The following SPSB4 variants were observed in gnomAD, a reference collection of about 807,000 sequenced individuals.
SPSB4 encodes the protein splA/ryanodine receptor domain and SOCS box containing 4.
In SPSB4, 21 loss-of-function variants were observed where a neutral mutation model predicts 20.9. The observed-to-expected ratio is 1.01, with a 90% CI of 0.71 to 1.45. The LOEUF (loss-of-function observed/expected upper bound fraction) is 1.45, where lower values mean the gene tolerates loss of function less well. SPSB4 is among the 40% of genes most tolerant of loss of function. The probability of loss-of-function intolerance (pLI) is 0.00; values close to 1 mark genes in which losing one functional copy is unlikely to be tolerated. For missense variants in SPSB4, 399 were observed against 399.2 expected (o/e 1.00, Z 0.00); for synonymous variants, 207 against 183.8 (o/e 1.13, Z -1.02).
At chr3:141,052,845 C>T (rs1467489621) in intron 1 of SPSB4, among the ~76,000 whole-genome samples, 1 of 152,208 alleles carries the variant, frequency 6.6e-6, no homozygotes, top group Non-Finnish European at 1.5e-5. Context: ...TCGCTCTGTA[C>T]GCGCCAGGGG....
At chr3:141,131,616 A>C (rs989129534) in intron 2 of SPSB4, among the ~76,000 whole-genome samples, 32 of 152,230 alleles carry the variant, frequency 2.1e-4, no homozygotes, top group Admixed American at 2.0e-3. Flanking sequence ...TTTCTCACTC[A>C]AAGTTATGTC....
intron 1 of SPSB4, among the ~76,000 whole-genome samples, chr3:141,052,578 C>T (rs1287547221): frequency 6.6e-6 from 1 of 152,066 alleles, no homozygotes; most frequent in African/African-American, 2.4e-5. Flanking sequence ...CCGGGGTATT[C>T]GGAGAGGTGG....
chr3:141,054,212 C>T (rs1443636008), intron 1 of SPSB4, among the ~76,000 whole-genome samples: 1 of 152,176 alleles, frequency 6.6e-6, no homozygotes, highest in Non-Finnish European at 1.5e-5. Flanking sequence ...CCTGTTGTCA[C>T]ACATCCATGC....
intron 2 of SPSB4, among the ~76,000 whole-genome samples, chr3:141,092,532 A>G (rs546321382): frequency 1.3e-5 from 2 of 152,334 alleles, no homozygotes; most frequent in South Asian, 4.1e-4. Flanking sequence ...GTGGGCCTTG[A>G]GGCTGGGATG....
intron 2 of SPSB4, among the ~76,000 whole-genome samples, chr3:141,124,513 A>G (rs1025255181): frequency 6.6e-6 from 1 of 152,216 alleles, no homozygotes; most frequent in Non-Finnish European, 1.5e-5. Context: ...GGCTCACAGC[A>G]GCAGGTGTGA....
intron 2 of SPSB4, among the ~76,000 whole-genome samples, chr3:141,138,842 C>G (rs1939273817): frequency 6.6e-6 from 1 of 152,090 alleles, no homozygotes; most frequent in Non-Finnish European, 1.5e-5. Context: ...CTGTAGATGT[C>G]TATTAGGTCC....
chr3:141,099,185 CT>C (rs368249255), intron 2 of SPSB4, among the ~76,000 whole-genome samples: 7,970 of 139,234 alleles, frequency 0.057, 547 homozygotes, highest in African/African-American at 0.18. Flanking sequence ...GATAATATGA[CT>C]TTTTTTTTTT....
intron 2 of SPSB4, among the ~76,000 whole-genome samples, chr3:141,112,644 C>CAAAAAAAAAAA (rs60396514): frequency 1.1e-3 from 36 of 32,868 alleles, no homozygotes; most frequent in African/African-American, 2.3e-3. Flanking sequence ...GACTCCGTCT[C>CAAAAAAAAAAA]AAAAAAAAAA....
chr3:141,135,700 C>A (rs1939216158), intron 2 of SPSB4, among the ~76,000 whole-genome samples: 1 of 152,112 alleles, frequency 6.6e-6, no homozygotes, highest in East Asian at 1.9e-4. Context: ...GCATAGTATT[C>A]CATGGTGTAT....
At chr3:141,073,263 T>C (rs6777560) in intron 2 of SPSB4, among the ~76,000 whole-genome samples, 18,874 of 152,226 alleles carry the variant, frequency 0.12, 3,672 homozygotes, top group African/African-American at 0.42. Context: ...TAGGTTAATA[T>C]TGATATGCGT....
chr3:141,091,850 G>A (rs147280119), intron 2 of SPSB4, among the ~76,000 whole-genome samples: 418 of 152,344 alleles, frequency 2.7e-3, no homozygotes, highest in African/African-American at 9.5e-3. Context: ...ACCTACAGAG[G>A]TGGTGACAGG....
At chr3:141,098,014 G>A (rs940763844) in intron 2 of SPSB4, among the ~76,000 whole-genome samples, 1 of 152,172 alleles carries the variant, frequency 6.6e-6, no homozygotes, top group Admixed American at 6.5e-5. Flanking sequence ...CACATGGGCT[G>A]GGAGGACAGC....
chr3:141,080,616 G>A (rs570787301), intron 2 of SPSB4, among the ~76,000 whole-genome samples: 1 of 152,240 alleles, frequency 6.6e-6, no homozygotes, highest in South Asian at 2.1e-4. Flanking sequence ...CTCTGCTTGG[G>A]TAAGCTCTGG....
chr3:141,137,223 G>A (rs1269689597), intron 2 of SPSB4, among the ~76,000 whole-genome samples: 15 of 152,188 alleles, frequency 9.9e-5, no homozygotes, highest in Admixed American at 9.8e-4. Flanking sequence ...TTTCTTATCA[G>A]CTTACGGAGA....
chr3:141,081,431 C>T, intron 2 of SPSB4, among the ~76,000 whole-genome samples: 1 of 152,150 alleles, frequency 6.6e-6, no homozygotes, highest in East Asian at 1.9e-4. Context: ...GGCCAGTGGT[C>T]AGCAGAGTGG....
chr3:141,077,640 T>A (rs960662006), intron 2 of SPSB4: 1 of 152,264 alleles, frequency 6.6e-6, no homozygotes, highest in South Asian at 2.1e-4. Flanking sequence ...CTCTGCCTGA[T>A]GTTTGAGCCT....
chr3:141,055,713 C>T (rs533722052), intron 1 of SPSB4, among the ~76,000 whole-genome samples: 2 of 152,286 alleles, frequency 1.3e-5, no homozygotes, highest in East Asian at 3.9e-4. Flanking sequence ...GCAGAGGAAC[C>T]TGGCATGTGA....
Position 141,066,516 on chromosome 3 carries a change from G to A in SPSB4, c.412G>A (p.Glu138Lys), listed in dbSNP as rs1436766333. ...CACGGCGCTGGTAGGCAGTGACGCCGAGTCGTGGGGCTGGGACCTGGGCCG... is the reference window on the plus strand; with the variant it reads ...CACGGCGCTGGTAGGCAGTGACGCCAAGTCGTGGGGCTGGGACCTGGGCCG... ...GYTALVGSDAESWGWDLGRSR... is the reference protein window; with the variant it reads ...GYTALVGSDAKSWGWDLGRSR... Residue 138 changes from glutamate (E) to lysine (K), a missense_variant, in exon 2 of 3, where the codon GAG (glutamate) becomes AAG (lysine). Physicochemically the swap from Glu to Lys is moderately conservative, Grantham distance 56. Coordinates refer to ENST00000310546, the MANE Select transcript of SPSB4 (RefSeq NM_080862.3). 4 of 1,505,252 alleles carry A rather than the reference G, an allele frequency of 2.7e-6. No homozygotes were observed. The highest frequency in any genetic ancestry group is 3.6e-6 in the Non-Finnish European group (4 of 1,125,774). The allele number at this position is 1,505,252 out of a possible 1,614,324, so 93.2% of individuals were successfully genotyped here. A position where few individuals can be genotyped will look rare whatever the true frequency, so the allele number is the denominator to read the frequency against.
At chr3:141,095,199 A>T (rs1165252982) in intron 2 of SPSB4, among the ~76,000 whole-genome samples, 1 of 152,092 alleles carries the variant, frequency 6.6e-6, no homozygotes, top group Non-Finnish European at 1.5e-5. Context: ...TGTGCGGGTG[A>T]TGCCGCAGCC....
Sources: gnomAD v4.1 joint callset for allele counts (sites outside exome capture counted in the v4.1 genomes callset) on GRCh38, gnomAD v4.1.1 for gene constraint, MANE v1.5 for transcripts, NCBI Gene and HGNC (gene_info 2026-07-23, HGNC 2026-07-21) for gene names.